SLC38A8: variants seen among roughly 807,000 people sequenced by gnomAD.
SLC38A8 encodes solute carrier family 38 member 8, also known as amino acid transporter SLC38A8.
A neutral mutation model predicts 46.0 loss-of-function variants in SLC38A8; 65 were observed. The ratio of observed to expected loss-of-function variants is 1.41; its 90% CI spans 1.16 to 1.74. The LOEUF is 1.74. SLC38A8 is among the 40% of genes most tolerant of loss of function. The probability of loss-of-function intolerance (pLI) is 0.00; values close to 1 mark genes in which losing one functional copy is unlikely to be tolerated. For synonymous variants in SLC38A8, 447 were observed against 243.7 expected (o/e 1.83, Z -7.77); for missense variants, 998 against 567.9 (o/e 1.76, Z -7.70).
At chr16:84,042,206 C>T (rs185461148) in intron 1 of SLC38A8, 47 bp from the exon 2 acceptor site, 2 of 1,546,224 alleles carry the variant, frequency 1.3e-6, no homozygotes, top group East Asian at 4.5e-5. Flanking sequence ...TTCACGCTTT[C>T]CTCCCTAAGT....
At chr16:84,033,239 C>A (rs2085265282) in intron 4 of SLC38A8, 89 bp downstream of exon 4, 6 of 1,567,190 alleles carry the variant, frequency 3.8e-6, no homozygotes, top group Non-Finnish European at 5.2e-6. Flanking sequence ...GGCCAATTCC[C>A]CAGCTCCTCT....
chr16:84,010,122 G>GT (rs2084937105), intron 10 of SLC38A8, among the ~76,000 whole-genome samples: 1 of 137,428 alleles, frequency 7.3e-6, no homozygotes, highest in Admixed American at 7.8e-5. Flanking sequence ...CTAGGCTGGA[G>GT]TGCAGTGGCA....
At chr16:84,029,015 C>T (rs777049451) in intron 6 of SLC38A8, among the ~76,000 whole-genome samples, 8 of 152,148 alleles carry the variant, frequency 5.3e-5, no homozygotes, top group Admixed American at 1.3e-4. Context: ...AATCAGCTCC[C>T]TGTACACCTT....
chr16:84,014,735 G>T (rs536672461), intron 9 of SLC38A8, among the ~76,000 whole-genome samples: 3 of 152,290 alleles, frequency 2.0e-5, no homozygotes, highest in African/African-American at 4.8e-5. Flanking sequence ...GGGCAGGTAC[G>T]GTTAGATTCT....
rs528785605 is a variant in SLC38A8, at chr16:84,032,054, C to T, written c.531-86G>A. On this transcript the variant is annotated intron_variant, in intron 4 of 10. Transcript: ENST00000299709. ...GACAGTAGTGGGATCTGAATCCCAGCTCCGCCCTTGACAATGAGGTGCTGG... is the reference window on the plus strand; with the variant it reads ...GACAGTAGTGGGATCTGAATCCCAGTTCCGCCCTTGACAATGAGGTGCTGG... The T allele has an allele frequency of 1.4e-4, 167 of 1,170,982 alleles. 1 individual carries two copies. In the South Asian group the frequency reaches 2.1e-3, roughly 15 times the overall value. 72.5% of individuals were successfully genotyped at this position (1,170,982 alleles called of 1,614,324 possible).
chr16:84,026,157 G>A (rs1388191926), intron 6 of SLC38A8, among the ~76,000 whole-genome samples: 1 of 152,246 alleles, frequency 6.6e-6, no homozygotes, highest in Non-Finnish European at 1.5e-5. Flanking sequence ...AGTTAGTAGT[G>A]CCAGACAGGT....
Position 84,020,652 on chromosome 16 carries a change from G to C in SLC38A8, c.805+2123C>G, listed in dbSNP as rs1291733783. Among the ~76,000 whole-genome samples, 4 of 152,198 alleles carry C rather than the reference G, an allele frequency of 2.6e-5. No individual in the cohort carries two copies. In the South Asian group the frequency reaches 6.2e-4, roughly 24 times the overall value. ...TCTGTGCCAGGGTCCCGGGAGCAGAGACGTGAGGGCACGTAGGATAGCCTG... is the reference window on the plus strand; with the variant it reads ...TCTGTGCCAGGGTCCCGGGAGCAGACACGTGAGGGCACGTAGGATAGCCTG... On this transcript the variant is annotated intron_variant, in intron 7 of 10. Coordinates refer to ENST00000299709, the MANE Select transcript of SLC38A8 (RefSeq NM_001080442.3).
At position 84,041,973 on chromosome 16, in the gene SLC38A8, T is replaced by C. The variant is rs749918815; in HGVS notation, c.185A>G (p.Glu62Gly). 4.4e-6 allele frequency: 7 copies of C among 1,587,914 alleles called. No homozygotes were observed. In the South Asian group the frequency reaches 6.8e-5, roughly 15 times the overall value. ...AGGVVPAFLV[E>G]LVSLVFLISG... ...ACTCACTTCCCGGGGACTTACCAGCTCCACCAGGAAGGCAGGGACCACTCC... is the reference window on the plus strand; with the variant it reads ...ACTCACTTCCCGGGGACTTACCAGCCCCACCAGGAAGGCAGGGACCACTCC... Residue 62 changes from glutamate (E) to glycine (G), a missense_variant, in exon 2 of 11, where the codon GAG (glutamate) becomes GGG (glycine). Glu to Gly is a moderately conservative substitution (Grantham distance 98). Transcript: ENST00000299709.
At position 84,042,134 on chromosome 16, in the gene SLC38A8, G is replaced by T; in HGVS notation, c.24C>A (p.Ser8Arg). 3 of 1,613,022 alleles carry T rather than the reference G, an allele frequency of 1.9e-6. No individual in the cohort carries two copies. Among genetic ancestry groups the T allele is most frequent in the Non-Finnish European group, 2.5e-6 (3 of 1,179,564 alleles). ...GGTGAGGCTTTTCTGGAAGGCCCCT[G>T]CTTCCTGGGGTCTGTCCCTCCATGG... The part of the protein sequence containing the change: MEGQTPG[S>R]RGLPEKPHPA... The change falls in exon 2 of 11, where the codon AGC becomes AGA. Residue 8 changes from serine (S) to arginine (R), a missense_variant. By Grantham distance (110) the Ser-to-Arg change is moderately radical (BLOSUM62 -1). Coordinates refer to ENST00000299709, the MANE Select transcript of SLC38A8 (RefSeq NM_001080442.3).
At chr16:84,035,153 G>C (rs148482294) in intron 3 of SLC38A8, among the ~76,000 whole-genome samples, 1 of 152,220 alleles carries the variant, frequency 6.6e-6, no homozygotes, top group Non-Finnish European at 1.5e-5. Flanking sequence ...TCCGCTCCCA[G>C]TGAGGCTCAG....
chr16:84,012,163 A>G (rs1039156531), intron 10 of SLC38A8, among the ~76,000 whole-genome samples: 7 of 152,180 alleles, frequency 4.6e-5, no homozygotes, highest in African/African-American at 1.4e-4. Flanking sequence ...CCATAAAACT[A>G]ATACATCATC....
At chr16:84,022,568 G>C (rs531031269) in intron 7 of SLC38A8, among the ~76,000 whole-genome samples, 1 of 152,168 alleles carries the variant, frequency 6.6e-6, no homozygotes, top group Non-Finnish European at 1.5e-5. Flanking sequence ...GTGAAACCTC[G>C]AACAAGTTCT....
intron 2 of SLC38A8, among the ~76,000 whole-genome samples, chr16:84,038,492 T>C (rs1305188255): frequency 1.3e-5 from 2 of 152,198 alleles, no homozygotes; most frequent in Admixed American, 6.6e-5. Context: ...TGAAGCAAGC[T>C]GCAGATCCCA....
At chr16:84,021,155 C>T (rs1447412902) in intron 7 of SLC38A8, among the ~76,000 whole-genome samples, 1 of 152,154 alleles carries the variant, frequency 6.6e-6, no homozygotes, top group Non-Finnish European at 1.5e-5. Flanking sequence ...CTCCAGCTCC[C>T]AGGTTCAATT....
rs889919773 is a variant in SLC38A8, at chr16:84,031,765, C to G, written c.632+102G>C. Reference sequence around the variant, plus strand: ...GAACTGGAAGGAAGGAGCCCAGGCTCTGCAGTGAGCCACGAGAGGCTCCTC... The same window carrying G: ...GAACTGGAAGGAAGGAGCCCAGGCTGTGCAGTGAGCCACGAGAGGCTCCTC... On this transcript the variant is annotated intron_variant, in intron 5 of 10. Transcript: ENST00000299709. 5.1e-6 allele frequency: 5 copies of G among 974,364 alleles called. No homozygotes were observed. In the African/African-American group the frequency reaches 6.4e-5, roughly 12 times the overall value. 60.4% of individuals were successfully genotyped at this position (974,364 alleles called of 1,614,324 possible). A position where few individuals can be genotyped will look rare whatever the true frequency, so the allele number is the denominator to read the frequency against.
chr16:84,041,835 C>G (rs76310525), intron 2 of SLC38A8, 134 bp downstream of exon 2: 18,699 of 787,170 alleles, frequency 0.024, 493 homozygotes, highest in African/African-American at 0.11. Flanking sequence ...ATTAGCTGAG[C>G]GGGATAGAAA....
At chr16:84,035,609 C>CA (rs1368382176) in intron 3 of SLC38A8, among the ~76,000 whole-genome samples, 12 of 151,610 alleles carry the variant, frequency 7.9e-5, no homozygotes, top group South Asian at 2.1e-4. Flanking sequence ...ACACATTTAA[C>CA]AAAAAAATAA....
chr16:84,032,849 C>A (rs560174508), intron 4 of SLC38A8, among the ~76,000 whole-genome samples: 20 of 152,036 alleles, frequency 1.3e-4, no homozygotes, highest in African/African-American at 4.8e-4. Context: ...TGTGTGTGCA[C>A]ACATGTGCGT....
At chr16:84,027,682 C>T (rs560631089) in intron 6 of SLC38A8, among the ~76,000 whole-genome samples, 18 of 152,334 alleles carry the variant, frequency 1.2e-4, no homozygotes, top group African/African-American at 3.6e-4. Flanking sequence ...GCCCCTACTC[C>T]CACTCCTTCA....
Sources: allele counts gnomAD v4.1 joint callset (sites outside exome capture counted in the v4.1 genomes callset), GRCh38; gene constraint gnomAD v4.1.1; transcripts MANE v1.5; gene names NCBI Gene and HGNC (gene_info 2026-07-23, HGNC 2026-07-21).